The following CNKSR3 variants were observed in gnomAD, a reference collection of about 807,000 sequenced individuals.
The protein encoded by CNKSR3 is connector enhancer of kinase suppressor of ras 3.
In CNKSR3, 36 loss-of-function variants were observed where a neutral mutation model predicts 67.7. The observed-to-expected ratio is 0.53, with a 90% confidence interval of 0.41 to 0.70. The LOEUF is 0.70. Ranked by LOEUF, CNKSR3 falls within the 30% of genes least tolerant of loss-of-function variation. CNKSR3 has a pLI of 0.00. For missense variants in CNKSR3, 630 were observed against 695.2 expected (o/e 0.91, Z 1.05); for synonymous variants, 281 against 271.4 (o/e 1.04, Z -0.35).
intron 5 of CNKSR3, among the ~76,000 whole-genome samples, chr6:154,433,126 TAAATC>T (rs550143214): frequency 6.6e-6 from 1 of 152,168 alleles, no homozygotes; most frequent in Non-Finnish European, 1.5e-5. Flanking sequence ...ATTTTTTTCT[TAAATC>T]AAAATGGTCC....
At chr6:154,464,742 A>G (rs981887024) in intron 1 of CNKSR3, among the ~76,000 whole-genome samples, 2 of 151,488 alleles carry the variant, frequency 1.3e-5, no homozygotes, top group African/African-American at 4.9e-5. Flanking sequence ...AAGAAAAAAG[A>G]AAAAAAGAAA....
chr6:154,428,387 A>C (rs984998022), intron 6 of CNKSR3, among the ~76,000 whole-genome samples, 200 bp from the exon 7 acceptor site: 3 of 152,200 alleles, frequency 2.0e-5, no homozygotes, highest in African/African-American at 7.2e-5. Flanking sequence ...GAAAGAAATA[A>C]AACATGTGAT....
chr6:154,493,322 T>C (rs2114651318), intron 1 of CNKSR3, among the ~76,000 whole-genome samples: 1 of 152,330 alleles, frequency 6.6e-6, no homozygotes, highest in Non-Finnish European at 1.5e-5. Context: ...ATGACCTCTA[T>C]CACATTCACG....
intron 3 of CNKSR3, 51 bp from the exon 4 acceptor site, chr6:154,441,430 G>T: frequency 7.7e-7 from 1 of 1,304,620 alleles, no homozygotes; most frequent in Non-Finnish European, 1.1e-6. Flanking sequence ...AATCCACGGG[G>T]ATCCCACTGG....
rs1006381475 is a variant in CNKSR3 at position 154,388,534 on chromosome 6, T to C, written c.*17820A>G. On this transcript the variant is annotated 3_prime_UTR_variant, in exon 13 of 13. Coordinates refer to ENST00000607772, the MANE Select transcript of CNKSR3 (RefSeq NM_173515.4). Reference sequence around the variant, plus strand: ...ATTTTTTTGGATAAATATCCAGAAATAGGGTTGCTAGGTCACATGGCAGTT... The same window carrying C: ...ATTTTTTTGGATAAATATCCAGAAACAGGGTTGCTAGGTCACATGGCAGTT... The C allele has an allele frequency of 4.6e-5, 7 of 152,292 alleles. No individual in the cohort carries two copies. The highest frequency in any genetic ancestry group is 1.7e-4 in the African/African-American group (7 of 41,566). 9.4% of individuals were successfully genotyped at this position (152,292 alleles called of 1,614,324 possible). A position where few individuals can be genotyped will look rare whatever the true frequency, so the allele number is the denominator to read the frequency against.
chr6:154,488,206 C>T (rs771438246), intron 1 of CNKSR3, among the ~76,000 whole-genome samples: 5 of 152,158 alleles, frequency 3.3e-5, no homozygotes, highest in Non-Finnish European at 7.3e-5. Context: ...TAATTACCAA[C>T]CTTAACCCAC....
chr6:154,446,143 T>C (rs1276371962), intron 2 of CNKSR3, among the ~76,000 whole-genome samples: 3 of 152,168 alleles, frequency 2.0e-5, no homozygotes, highest in African/African-American at 7.2e-5. Context: ...ACTAAAACCC[T>C]TCCACTGAGA....
At chr6:154,490,138 C>CTT (rs1267546124) in intron 1 of CNKSR3, among the ~76,000 whole-genome samples, 2 of 152,118 alleles carry the variant, frequency 1.3e-5, no homozygotes, top group Non-Finnish European at 2.9e-5. Flanking sequence ...TGCTTAAAGT[C>CTT]AGCTCAGTTT....
At chr6:154,424,130 G>A (rs2128714158) in intron 7 of CNKSR3, among the ~76,000 whole-genome samples, 1 of 151,934 alleles carries the variant, frequency 6.6e-6, no homozygotes, top group East Asian at 1.9e-4. Context: ...TACTCAGGAG[G>A]CTGAGGCAGG....
chr6:154,478,129 T>G (rs59568045), intron 1 of CNKSR3, among the ~76,000 whole-genome samples: 30,087 of 152,142 alleles, frequency 0.2, 3,717 homozygotes, highest in Non-Finnish European at 0.27. Flanking sequence ...ACAGCCTGAA[T>G]GACATGACCA....
chr6:154,497,431 A>G (rs1219837152), intron 1 of CNKSR3, among the ~76,000 whole-genome samples: 2 of 152,074 alleles, frequency 1.3e-5, no homozygotes, highest in East Asian at 1.9e-4. Context: ...AATGCTATAC[A>G]TGTCAGCTGC....
chr6:154,409,881 CAAA>C (rs56081008), intron 12 of CNKSR3, among the ~76,000 whole-genome samples: 4 of 126,626 alleles, frequency 3.2e-5, no homozygotes, highest in East Asian at 2.3e-4. Flanking sequence ...CTGTCTCTAC[CAAA>C]AAAAAAAAAA....
chr6:154,483,060 T>C (rs769732527), intron 1 of CNKSR3, among the ~76,000 whole-genome samples: 5 of 152,186 alleles, frequency 3.3e-5, no homozygotes, highest in Non-Finnish European at 7.3e-5. Context: ...AAGCTAAACA[T>C]GCAAAGCTGC....
intron 1 of CNKSR3, among the ~76,000 whole-genome samples, chr6:154,456,139 A>C (rs1785949665): frequency 6.6e-6 from 1 of 152,202 alleles, no homozygotes; most frequent in South Asian, 2.1e-4. Context: ...AAAGTGTCCC[A>C]CAGACCACAC....
chr6:154,452,358 A>C (rs1033760353), intron 1 of CNKSR3, among the ~76,000 whole-genome samples: 1 of 152,222 alleles, frequency 6.6e-6, no homozygotes, highest in Non-Finnish European at 1.5e-5. Context: ...TCTAACAACA[A>C]GACAGTTATT....
intron 2 of CNKSR3, among the ~76,000 whole-genome samples, chr6:154,449,712 A>T (rs1160837184): frequency 6.6e-6 from 1 of 152,220 alleles, no homozygotes; most frequent in Non-Finnish European, 1.5e-5. Flanking sequence ...TCTGAAAAAG[A>T]CAAACTCTTT....
At chr6:154,485,352 C>T (rs910184721) in intron 1 of CNKSR3, among the ~76,000 whole-genome samples, 5 of 152,124 alleles carry the variant, frequency 3.3e-5, no homozygotes, top group African/African-American at 4.8e-5. Context: ...GCTTCTTTGG[C>T]GCATACAGAA....
chr6:154,468,877 T>G (rs1158088390), intron 1 of CNKSR3, among the ~76,000 whole-genome samples: 1 of 152,142 alleles, frequency 6.6e-6, no homozygotes, highest in Non-Finnish European at 1.5e-5. Flanking sequence ...TAAGATAGGG[T>G]GGGCATAATG....
intron 4 of CNKSR3, among the ~76,000 whole-genome samples, chr6:154,438,329 A>G (rs914259386): frequency 1.8e-4 from 28 of 152,164 alleles, no homozygotes; most frequent in African/African-American, 6.5e-4. Flanking sequence ...CTGTATTTAC[A>G]TATTACTTCG....
Sources: allele counts gnomAD v4.1 joint callset (sites outside exome capture counted in the v4.1 genomes callset), GRCh38; gene constraint gnomAD v4.1.1; transcripts MANE v1.5; gene names NCBI Gene and HGNC (gene_info 2026-07-23, HGNC 2026-07-21).